Variants in NCOR1 observed in about 807,000 individuals in gnomAD.
The protein encoded by NCOR1 is protein phosphatase 1, regulatory subunit 109.
Under a neutral mutation model 288.1 loss-of-function variants are expected in NCOR1, and 63 were observed. That is an observed-to-expected ratio of 0.22 (90% confidence interval 0.18 to 0.27). The LOEUF (loss-of-function observed/expected upper bound fraction) is 0.27. Ranked by LOEUF, NCOR1 falls within the 10% of genes least tolerant of loss-of-function variation. The pLI is 1.00. For synonymous variants in NCOR1, 1,007 were observed against 1,065.9 expected, an observed-to-expected ratio of 0.94 and a Z score of 1.08; for missense variants, 2,397 against 3,019.2, an observed-to-expected ratio of 0.79 and a Z score of 4.83.
intron 44 of NCOR1, among the ~76,000 whole-genome samples, chr17:16,037,463 G>A (rs929992198): frequency 4.6e-5 from 7 of 151,990 alleles, no homozygotes; most frequent in Non-Finnish European, 8.8e-5. Context: ...AAGAAAGCCA[G>A]GATTTCACTT....
chr17:16,140,859 GGT>G (rs1380828377), intron 11 of NCOR1, among the ~76,000 whole-genome samples: 1 of 151,878 alleles, frequency 6.6e-6, no homozygotes, highest in African/African-American at 2.4e-5. Context: ...CGGGCGTAGT[GGT>G]GTACCAGTAG....
At chr17:16,165,293 A>G in intron 4 of NCOR1, 132 bp from the exon 5 acceptor site, 1 of 652,974 alleles carries the variant, frequency 1.5e-6, no homozygotes, top group Non-Finnish European at 2.5e-6. Flanking sequence ...TTTTAGTAGT[A>G]ACTTTCATAT....
At chr17:16,120,246 T>C (rs1598906994) in intron 16 of NCOR1, among the ~76,000 whole-genome samples, 1 of 152,154 alleles carries the variant, frequency 6.6e-6, no homozygotes, top group South Asian at 2.1e-4. Flanking sequence ...GCCTTTATTC[T>C]GTCTAAACTG....
chr17:16,202,992 T>G (rs2091028603), intron 1 of NCOR1, among the ~76,000 whole-genome samples: 1 of 151,874 alleles, frequency 6.6e-6, no homozygotes, highest in African/African-American at 2.4e-5. Flanking sequence ...TAGCAGTACT[T>G]AGCTCTCAGT....
rs139463526 is a variant in NCOR1, at chr17:16,061,830, C to T, written c.5452G>A (p.Ala1818Thr). 3.7e-6 allele frequency: 6 copies of T among 1,614,062 alleles called. No homozygotes were observed. In the Admixed American group the frequency reaches 5.0e-5, roughly 13 times the overall value. Residue 1818 changes from alanine (A) to threonine (T), a missense_variant, in exon 37 of 46, where the codon GCG (alanine) becomes ACG (threonine). Physicochemically the swap from Ala to Thr is moderately conservative, Grantham distance 58 (BLOSUM62 0). Coordinates refer to ENST00000268712, the MANE Select transcript of NCOR1 (RefSeq NM_006311.4). ...GLPASRYNTA[A>T]DALAALVDAA... ...TCCACAAGAGCAGCCAGGGCATCCG[C>T]AGCAGTGTTGTAACGGGAGGCTGGC... is the stretch of plus-strand genomic sequence containing the variant.
intron 6 of NCOR1, among the ~76,000 whole-genome samples, chr17:16,156,899 C>T (rs1490571754): frequency 6.6e-6 from 1 of 151,918 alleles, no homozygotes; most frequent in East Asian, 1.9e-4. Flanking sequence ...TATTGTAAGA[C>T]AAGGCTCATT....
At chr17:16,140,237 C>T (rs1399148393) in intron 11 of NCOR1, among the ~76,000 whole-genome samples, 4 of 151,968 alleles carry the variant, frequency 2.6e-5, no homozygotes, top group South Asian at 2.1e-4. Flanking sequence ...GAGATTTACT[C>T]GTCATTGTAG....
intron 22 of NCOR1, among the ~76,000 whole-genome samples, chr17:16,090,072 AAC>A (rs1315788142): frequency 6.6e-6 from 1 of 152,094 alleles, no homozygotes; most frequent in East Asian, 1.9e-4. Flanking sequence ...TAATGTGACT[AAC>A]ACAGAGAAAT....
At chr17:16,140,383 G>C (rs1367279734) in intron 11 of NCOR1, among the ~76,000 whole-genome samples, 1 of 152,222 alleles carries the variant, frequency 6.6e-6, no homozygotes, top group Non-Finnish European at 1.5e-5. Flanking sequence ...ATGAAAAATT[G>C]CTGGGCACAG....
chr17:16,143,842 T>C, intron 10 of NCOR1, 146 bp from the exon 11 acceptor site: 1 of 564,718 alleles, frequency 1.8e-6, no homozygotes. Context: ...TATATACTTT[T>C]AAGTAATATG....
chr17:16,080,571 A>C (rs2152816454), intron 24 of NCOR1, 36 bp downstream of exon 24: 5 of 1,614,068 alleles, frequency 3.1e-6, no homozygotes, highest in Non-Finnish European at 4.2e-6. Context: ...TGATGCTACA[A>C]ACGTAGATGC....
At chr17:16,098,263 A>G in intron 21 of NCOR1, 104 bp downstream of exon 21, 1 of 1,112,942 alleles carries the variant, frequency 9.0e-7, no homozygotes, top group Non-Finnish European at 1.3e-6. Context: ...TATGTTTTGT[A>G]CCACTATTTT....
chr17:16,145,672 T>TG (rs2077844138), intron 10 of NCOR1, among the ~76,000 whole-genome samples: 2 of 151,086 alleles, frequency 1.3e-5, no homozygotes, highest in African/African-American at 4.9e-5. Context: ...TTCCGGGAGG[T>TG]GGGGGGCAGC....
chr17:16,155,588 A>G (rs988942718), intron 6 of NCOR1, among the ~76,000 whole-genome samples: 2 of 152,192 alleles, frequency 1.3e-5, no homozygotes, highest in African/African-American at 4.8e-5. Flanking sequence ...CTATGATGCA[A>G]GTCAACTTTT....
chr17:16,051,352 A>G (rs947068484), intron 40 of NCOR1, among the ~76,000 whole-genome samples: 1 of 152,178 alleles, frequency 6.6e-6, no homozygotes, highest in African/African-American at 2.4e-5. Context: ...TGTTTTGCTT[A>G]TAAAAATCAC....
At chr17:16,184,139 G>A (rs1360679395) in intron 3 of NCOR1, among the ~76,000 whole-genome samples, 1 of 152,166 alleles carries the variant, frequency 6.6e-6, no homozygotes, top group Non-Finnish European at 1.5e-5. Flanking sequence ...GCAAGAGAAC[G>A]TAGGGAGAAA....
rs1199563089 is a variant in NCOR1 at position 16,029,171 on chromosome 17, TTTTA to T, written c.*3121_*3124del. The T allele has an allele frequency of 6.6e-6, 3 of 453,116 alleles. No individual in the cohort carries two copies. The highest frequency in any genetic ancestry group is 1.6e-5 in the South Asian group (1 of 64,086). 28.1% of individuals were successfully genotyped at this position (453,116 alleles called of 1,614,324 possible). Reference sequence around the variant, plus strand: ...TTACTGAAAGGTTTTTCATTCCAAGTTTTATTTATTTATTAATTTTAAATCATCC... The same window carrying T: ...TTACTGAAAGGTTTTTCATTCCAAGTTTTATTTATTAATTTTAAATCATCC... On this transcript the variant is annotated 3_prime_UTR_variant, in exon 46 of 46. Coordinates refer to ENST00000268712, the MANE Select transcript of NCOR1 (RefSeq NM_006311.4).
chr17:16,058,203 AG>A, intron 38 of NCOR1, 139 bp from the exon 39 acceptor site: 10 of 1,049,736 alleles, frequency 9.5e-6, no homozygotes, highest in Non-Finnish European at 1.2e-5. Flanking sequence ...TTAATTTTGG[AG>A]AAAAAAAAAA....
chr17:16,145,583 C>G (rs865908871), intron 10 of NCOR1, among the ~76,000 whole-genome samples: 2 of 126,618 alleles, frequency 1.6e-5, no homozygotes, highest in Non-Finnish European at 3.9e-5. Flanking sequence ...CGTCTCTGCC[C>G]GGCTGCCCAG....
Sources: gnomAD v4.1 joint callset for allele counts (sites outside exome capture counted in the v4.1 genomes callset) on GRCh38, gnomAD v4.1.1 for gene constraint, MANE v1.5 for transcripts, NCBI Gene and HGNC (gene_info 2026-07-23, HGNC 2026-07-21) for gene names.